The following KLHDC4 variants were observed in gnomAD, a reference collection of about 807,000 sequenced individuals.
The protein encoded by KLHDC4 is kelch domain containing 4.
KLHDC4 carries 90 observed loss-of-function variants against 62.4 expected under a neutral mutation model. The ratio of observed to expected loss-of-function variants is 1.44; its 90% confidence interval spans 1.22 to 1.72. The LOEUF (loss-of-function observed/expected upper bound fraction) is 1.72. Ranked by LOEUF, KLHDC4 falls within the 40% of genes most tolerant of loss-of-function variation. The pLI is 0.00. For synonymous variants in KLHDC4, 386 were observed against 284.4 expected, an observed-to-expected ratio of 1.36 and a Z score of -3.59; for missense variants, 1,025 against 699.7, an observed-to-expected ratio of 1.47 and a Z score of -5.25.
chr16:87,730,563 A>G lies in KLHDC4; in HGVS notation c.588T>C (p.His196=). 4 of 1,612,020 alleles carry G rather than the reference A, an allele frequency of 2.5e-6. No homozygotes were observed. The highest frequency in any genetic ancestry group is 3.4e-6 in the Non-Finnish European group (4 of 1,179,524). ...TTCTTGGTACCAACCGTGTACTTTC[A>G]TGGAAGCCACCAAACAGGATCAATT... ...KRQLILFGGF[H]ESTRDYIYYN... Residue 196 remains histidine, a synonymous_variant, in exon 6 of 12, where the codon CAT becomes CAC. Transcript: ENST00000270583.
chr16:87,734,620 A>T (rs570686560), intron 5 of KLHDC4, among the ~76,000 whole-genome samples: 1 of 152,186 alleles, frequency 6.6e-6, no homozygotes, highest in African/African-American at 2.4e-5. Context: ...TGGAATGTCA[A>T]CCAGAAGCAA....
intron 5 of KLHDC4, among the ~76,000 whole-genome samples, chr16:87,745,339 G>A (rs750035935): frequency 6.6e-6 from 1 of 151,620 alleles, no homozygotes; most frequent in African/African-American, 2.4e-5. Context: ...ATACTACCCA[G>A]CACTGCTCTC....
At chr16:87,739,575 G>A (rs1176052730) in intron 5 of KLHDC4, among the ~76,000 whole-genome samples, 17 of 115,658 alleles carry the variant, frequency 1.5e-4, no homozygotes, top group Admixed American at 1.3e-3. Context: ...ACACCAGCAC[G>A]TCATCCATCC....
chr16:87,706,143 G>GAGA (rs2034655588), downstream of KLHDC4, among the ~76,000 whole-genome samples: 2 of 145,462 alleles, frequency 1.4e-5, no homozygotes, highest in African/African-American at 2.6e-5. Flanking sequence ...CAGCCCTCGC[G>GAGA]GGGGGGTCAG....
At chr16:87,730,691 G>A (rs369480671) in intron 5 of KLHDC4, 47 bp from the exon 6 acceptor site, 1 of 1,533,726 alleles carries the variant, frequency 6.5e-7, no homozygotes. Context: ...CTTAATTTCT[G>A]GTTGTTCTAA....
chr16:87,733,948 A>G (rs184267993), intron 5 of KLHDC4, among the ~76,000 whole-genome samples: 115 of 152,354 alleles, frequency 7.5e-4, no homozygotes, highest in African/African-American at 1.1e-3. Flanking sequence ...CTATTTAGAT[A>G]ATGCATTCTT....
chr16:87,745,604 G>C (rs1342939127), intron 5 of KLHDC4, among the ~76,000 whole-genome samples: 31 of 152,232 alleles, frequency 2.0e-4, no homozygotes, highest in Admixed American at 2.0e-3. Context: ...AGATGCGCTT[G>C]GAGCTGGTAC....
intron 5 of KLHDC4, among the ~76,000 whole-genome samples, chr16:87,735,313 A>AT (rs2041125774): frequency 7.3e-6 from 1 of 136,328 alleles, no homozygotes; most frequent in East Asian, 1.9e-4. Context: ...AAAAAAAAAA[A>AT]GAAAAAAAAA....
chr16:87,708,829 G>A (rs961045698), intron 10 of KLHDC4, among the ~76,000 whole-genome samples: 1 of 152,248 alleles, frequency 6.6e-6, no homozygotes, highest in Non-Finnish European at 1.5e-5. Context: ...TTTAGTCTCA[G>A]ATCTTTAAAA....
chr16:87,714,416 C>T, intron 8 of KLHDC4, 82 bp downstream of exon 8: 1 of 1,587,678 alleles, frequency 6.3e-7, no homozygotes, highest in Non-Finnish European at 8.6e-7. Context: ...CCGCCAGCCC[C>T]ACATCCATGG....
chr16:87,722,613 G>A (rs2038606445), intron 7 of KLHDC4, among the ~76,000 whole-genome samples: 1 of 152,250 alleles, frequency 6.6e-6, no homozygotes, highest in Admixed American at 6.5e-5. Context: ...TCCGGGCTGA[G>A]AGACAATGGC....
At chr16:87,739,643 C>CCTCATCCATCCACACACCA in intron 5 of KLHDC4, 1 of 151,922 alleles carries the variant, frequency 6.6e-6, no homozygotes, top group Non-Finnish European at 1.5e-5. Context: ...CACACCAGCA[C>CCTCATCCATCCACACACCA]GTCATACATC....
intron 7 of KLHDC4, among the ~76,000 whole-genome samples, chr16:87,715,673 G>A (rs939113727): frequency 1.1e-4 from 16 of 152,154 alleles, no homozygotes; most frequent in Non-Finnish European, 2.2e-4. Context: ...TGAATCATTA[G>A]GACGATCCCC....
intron 8 of KLHDC4, 145 bp downstream of exon 8, chr16:87,714,353 C>CCCCCCCA: frequency 1.0e-6 from 1 of 990,178 alleles, no homozygotes; most frequent in Non-Finnish European, 1.3e-6. Context: ...CGGCCCACCC[C>CCCCCCCA]GAAATGAGCC....
At chr16:87,760,980 C>A (rs1422529548) in intron 2 of KLHDC4, among the ~76,000 whole-genome samples, 2 of 152,050 alleles carry the variant, frequency 1.3e-5, no homozygotes, top group Non-Finnish European at 2.9e-5. Context: ...TTGTAGTGAG[C>A]CAAGATCATG....
At chr16:87,725,060 AG>A (rs547181632) in intron 7 of KLHDC4, among the ~76,000 whole-genome samples, 55 of 150,516 alleles carry the variant, frequency 3.7e-4, no homozygotes, top group Non-Finnish European at 7.2e-4. Flanking sequence ...GGGTCTGAAA[AG>A]CTGAGGGAAA....
intron 3 of KLHDC4, 41 bp from the exon 4 acceptor site, chr16:87,755,333 G>A (rs758182443): frequency 1.4e-5 from 15 of 1,059,324 alleles, no homozygotes; most frequent in Middle Eastern, 2.0e-4. Flanking sequence ...CAAATGATAC[G>A]CTTCCAAGGA....
At chr16:87,757,527 C>G (rs529101092) in intron 2 of KLHDC4, 14 of 151,192 alleles carry the variant, frequency 9.3e-5, no homozygotes, top group African/African-American at 2.9e-4. Flanking sequence ...TATCTTCCAT[C>G]TAGAAAATAC....
At chr16:87,710,101 C>G (rs961224208) in intron 9 of KLHDC4, 2 of 168,426 alleles carry the variant, frequency 1.2e-5, no homozygotes, top group African/African-American at 2.4e-5. Context: ...GCAAGACAGA[C>G]GGTCAGGCCC....
Sources: allele counts gnomAD v4.1 joint callset (sites outside exome capture counted in the v4.1 genomes callset), GRCh38; gene constraint gnomAD v4.1.1; transcripts MANE v1.5; gene names NCBI Gene and HGNC (gene_info 2026-07-23, HGNC 2026-07-21).